IK: variants seen among roughly 807,000 people sequenced by gnomAD.
IK encodes the protein protein Red.
IK carries 47 observed loss-of-function variants against 90.9 expected under a neutral mutation model. The ratio of observed to expected loss-of-function variants is 0.52; its 90% CI spans 0.41 to 0.66. The LOEUF (loss-of-function observed/expected upper bound fraction) is 0.66. Ranked by LOEUF, IK falls within the 30% of genes least tolerant of loss-of-function variation. IK has a pLI of 0.00. For missense variants in IK, 385 were observed against 709.3 expected, an observed-to-expected ratio of 0.54 and a Z score of 5.19; for synonymous variants, 201 against 227.5, an observed-to-expected ratio of 0.88 and a Z score of 1.05.
intron 4 of IK, among the ~76,000 whole-genome samples, chr5:140,652,517 G>A (rs955941255): frequency 3.9e-5 from 6 of 152,044 alleles, no homozygotes; most frequent in African/African-American, 1.4e-4. Flanking sequence ...AATCTTGACG[G>A]CCATCATCAT....
At chr5:140,658,269 G>T (rs1020630003) in intron 10 of IK, among the ~76,000 whole-genome samples, 2 of 151,932 alleles carry the variant, frequency 1.3e-5, no homozygotes, top group Non-Finnish European at 2.9e-5. Flanking sequence ...CTCCCAAAGT[G>T]CTGGGATTAC....
Position 140,661,460 on chromosome 5 carries a change from A to G in IK, c.1414-160A>G. The G allele has an allele frequency of 1.6e-6, 1 of 613,944 alleles. No homozygotes were observed. Among genetic ancestry groups the G allele is most frequent in the South Asian group, 2.0e-5 (1 of 49,928 alleles). The allele number at this position is 613,944 out of a possible 1,614,324, so 38.0% of individuals were successfully genotyped here. A position where few individuals can be genotyped will look rare whatever the true frequency, so the allele number is the denominator to read the frequency against. The stretch of plus-strand genomic sequence containing the variant: ...TAGTGTACAGAATAATGCCTGTCAC[A>G]TAGTAAGTATGTAATAAGCATTTAT... On this transcript the variant is annotated intron_variant, in intron 16 of 19. Transcript: ENST00000417647. The surrounding 1 kb of genome is among the most constrained non-coding windows in gnomAD (Gnocchi z 4.2).
In IK at chr5:140,656,540, G is replaced by A. The variant is rs147466206; in HGVS notation, c.801+548G>A. On this transcript the variant is annotated intron_variant, in intron 9 of 19. Transcript: ENST00000417647. ...TTTCCGCACTTCCACTCTGGTTTCC[G>A]CACTTCCACTCTGATTTGTTATTAT... 2.9e-3 allele frequency among the ~76,000 whole-genome samples: 433 copies of A among 148,516 alleles called. 2 individuals carry two copies. The highest frequency in any genetic ancestry group is 0.01 in the African/African-American group (415 of 40,454).
Position 140,652,406 on chromosome 5 carries a change from C to T in IK, c.236+259C>T, listed in dbSNP as rs1356784604. The stretch of plus-strand genomic sequence containing the variant: ...CTAATCCACAGATAGAATGGAGATA[C>T]AGTAGCAATAATAACTTTTATCAGG... On this transcript the variant is annotated intron_variant, in intron 4 of 19. Transcript: ENST00000417647. Among the ~76,000 whole-genome samples, 3 of 152,022 alleles carry T rather than the reference C, an allele frequency of 2.0e-5. No individual in the cohort carries two copies. In the East Asian group the frequency reaches 5.8e-4, roughly 29 times the overall value.
At position 140,647,899 on chromosome 5, in the gene IK, C is replaced by T; in HGVS notation, c.-10C>T. ...TCGATTGTTGGTGACAGCGAAAGAACGATAACAAAATGCCGGAGCGAGATA... is the reference window on the plus strand; with the variant it reads ...TCGATTGTTGGTGACAGCGAAAGAATGATAACAAAATGCCGGAGCGAGATA... On this transcript the variant is annotated 5_prime_UTR_variant, in exon 1 of 20. It adds an upstream start codon to the 5' untranslated region. Transcript: ENST00000417647. 4.3e-6 allele frequency: 7 copies of T among 1,613,874 alleles called. No homozygotes were observed. The highest frequency in any genetic ancestry group is 1.3e-5 in the African/African-American group (1 of 75,012).
chr5:140,659,541 C>G (rs947796543), intron 13 of IK, among the ~76,000 whole-genome samples: 5 of 152,066 alleles, frequency 3.3e-5, no homozygotes, highest in Admixed American at 1.3e-4. Flanking sequence ...TTCCTGTGGC[C>G]CTGGGGTTCT....
At chr5:140,662,047 G>A (rs200623504) in intron 18 of IK, 40 bp downstream of exon 18, 2 of 1,572,354 alleles carry the variant, frequency 1.3e-6, no homozygotes. Flanking sequence ...GTTTCAGCTG[G>A]GAGAAGACAT....
In IK at chr5:140,656,762, TACAA is replaced by T. The variant is rs1427620545; in HGVS notation, c.801+775_801+778del. ...CCCGTTAAACATTTATCTTTTGTGTTACAAACAATCCATTTATACTCTTTTAGTT... is the reference window on the plus strand; with the variant it reads ...CCCGTTAAACATTTATCTTTTGTGTTACAATCCATTTATACTCTTTTAGTT... On this transcript the variant is annotated intron_variant, in intron 9 of 19. Transcript: ENST00000417647. Among the ~76,000 whole-genome samples, 3 of 152,362 alleles carry T rather than the reference TACAA, an allele frequency of 2.0e-5. No individual in the cohort carries two copies. The South Asian group carries it at 6.2e-4, about 32-fold the overall frequency.
chr5:140,648,118 G>A, intron 1 of IK, 194 bp downstream of exon 1: 1 of 735,526 alleles, frequency 1.4e-6, no homozygotes, highest in Non-Finnish European at 2.4e-6. Context: ...TCCAAACTCC[G>A]TCCCCAGTCC....
intron 8 of IK, among the ~76,000 whole-genome samples, chr5:140,655,118 A>G (rs930584748): frequency 6.6e-6 from 1 of 152,184 alleles, no homozygotes; most frequent in Non-Finnish European, 1.5e-5. Context: ...ACTAACTCCC[A>G]TAAAATACTC....
At chr5:140,660,064 T>C in intron 14 of IK, 51 bp from the exon 15 acceptor site, 1 of 1,536,798 alleles carries the variant, frequency 6.5e-7, no homozygotes, top group Non-Finnish European at 9.0e-7. Context: ...TGGCTGAAGC[T>C]TTACAGCAAT....
At chr5:140,660,903 T>G in intron 16 of IK, 88 bp downstream of exon 16, 1 of 1,018,330 alleles carries the variant, frequency 9.8e-7, no homozygotes, top group South Asian at 1.3e-5. Flanking sequence ...AAAATCTATC[T>G]CATTTACTGG....
At chr5:140,650,769 G>A (rs186049905) in intron 2 of IK, among the ~76,000 whole-genome samples, 1 of 152,090 alleles carries the variant, frequency 6.6e-6, no homozygotes, top group African/African-American at 2.4e-5. Flanking sequence ...AGTAGAGATG[G>A]GATATCACCA....
In IK at chr5:140,662,213, G is replaced by A; in HGVS notation, c.1646G>A (p.Gly549Glu). 6.2e-7 allele frequency: 1 copy of A among 1,613,966 alleles called. No individual in the cohort carries two copies. The highest frequency in any genetic ancestry group is 8.5e-7 in the Non-Finnish European group (1 of 1,179,896). ...IEKRKKMEADGVEVKRPKY is the reference protein window; with the variant it reads ...IEKRKKMEADEVEVKRPKY ...AAGAGGAAGAAGATGGAAGCTGATG[G>A]GTGAGCGGCATTATTCTTCCTCTGT... The change falls in exon 19 of 20, where the codon GGG becomes GAG. Residue 549 changes from glycine to glutamate, a missense_variant and splice_region_variant. By Grantham distance (98) the Gly-to-Glu change is moderately conservative. This residue lies in a region of IK where 29 missense variants were observed against 41.8 expected (regional missense o/e 0.69). Transcript: ENST00000417647.
intron 2 of IK, among the ~76,000 whole-genome samples, chr5:140,649,191 TTTC>T (rs1757565047): frequency 6.8e-6 from 1 of 147,340 alleles, no homozygotes; most frequent in African/African-American, 2.6e-5. Context: ...TCTTTTTTTT[TTTC>T]TTTTCTTTTC....
chr5:140,657,353 T>C (rs112036648), intron 9 of IK, among the ~76,000 whole-genome samples: 6 of 152,344 alleles, frequency 3.9e-5, no homozygotes, highest in African/African-American at 1.4e-4. Context: ...ACTCCTGACT[T>C]TCTTGAATGG....
At chr5:140,659,923 C>A in intron 14 of IK, 89 bp downstream of exon 14, 1 of 1,005,562 alleles carries the variant, frequency 9.9e-7, no homozygotes, top group Non-Finnish European at 1.5e-6. Context: ...TCCTACCCTG[C>A]CCCTCTCCTT....
rs370622729 is a variant in IK at position 140,651,413 on chromosome 5, G to A, written c.84-301G>A. 3.3e-5 allele frequency among the ~76,000 whole-genome samples: 5 copies of A among 150,472 alleles called. No homozygotes were observed. The South Asian group carries it at 6.3e-4, about 19-fold the overall frequency. Reference sequence around the variant, plus strand: ...GAGATCATGCCACTGCACTCCAGCCGGGGCAACAGAGGGAGACTCTGTCTT... The same window carrying A: ...GAGATCATGCCACTGCACTCCAGCCAGGGCAACAGAGGGAGACTCTGTCTT... On this transcript the variant is annotated intron_variant, in intron 2 of 19. Coordinates refer to ENST00000417647, the MANE Select transcript of IK (RefSeq NM_006083.4).
chr5:140,662,355 C>A lies in IK; in HGVS notation c.*26C>A. ...TCACTAGTTACAACCAGAGATGCTC[C>A]ACAAGGATATGCTCCCCACTGTTTT... is the stretch of plus-strand genomic sequence containing the variant. On this transcript the variant is annotated 3_prime_UTR_variant, in exon 20 of 20. Transcript: ENST00000417647. 2 of 1,611,506 alleles carry A rather than the reference C, an allele frequency of 1.2e-6. No individual in the cohort carries two copies. The highest frequency in any genetic ancestry group is 1.7e-6 in the Non-Finnish European group (2 of 1,177,632).
Sources: gnomAD v4.1 joint callset for allele counts (sites outside exome capture counted in the v4.1 genomes callset) on GRCh38, gnomAD v4.1.1 for gene constraint, gnomAD v4.1.1 regional missense constraint, Gnocchi (gnomAD v3.1) non-coding constraint, MANE v1.5 for transcripts, NCBI Gene and HGNC (gene_info 2026-07-23, HGNC 2026-07-21) for gene names.